MACROD2: variants seen among roughly 807,000 people sequenced by gnomAD.
MACROD2 encodes the protein ADP-ribose glycohydrolase MACROD2.
Under a neutral mutation model 70.4 loss-of-function variants are expected in MACROD2, and 36 were observed. That is an observed-to-expected ratio of 0.51 (90% confidence interval 0.39 to 0.68). The LOEUF is 0.68. Among genes scored for constraint, MACROD2 ranks in the 30% least tolerant of loss-of-function variants. The pLI, the probability that MACROD2 is intolerant of heterozygous loss-of-function variation, is 0.00. For missense variants in MACROD2, 496 were observed against 538.4 expected (o/e 0.92, Z 0.78); for synonymous variants, 172 against 178.8 (o/e 0.96, Z 0.30).
Position 15,986,800 on chromosome 20 carries a change from A to T in MACROD2, c.1059A>T (p.Glu353Asp). The change falls in exon 14 of 18, where the codon GAA (glutamate) becomes GAT (aspartate). Residue 353 changes from glutamate (E) to aspartate (D), a missense_variant and splice_region_variant. Glu to Asp is a conservative substitution (Grantham distance 45). Transcript: ENST00000684519. ...TESQSSYMETEELSSNQEDAV... is the reference protein window; with the variant it reads ...TESQSSYMETDELSSNQEDAV... ...CGCAGAGCTCATATATGGAAACAGA[A>T]GGTACTGAAACCAAAATATATTGTT... The T allele has an allele frequency of 6.2e-7, 1 of 1,610,768 alleles. No homozygotes were observed. Among genetic ancestry groups the T allele is most frequent in the Middle Eastern group, 1.7e-4 (1 of 5,814 alleles).
At chr20:15,336,026 C>G (rs779782858) in intron 6 of MACROD2, among the ~76,000 whole-genome samples, 8 of 151,642 alleles carry the variant, frequency 5.3e-5, no homozygotes, top group Non-Finnish European at 8.8e-5. Context: ...AAATGAACCC[C>G]ACCCTTTCAC....
At chr20:15,981,959 T>C (rs2147454868) in intron 13 of MACROD2, among the ~76,000 whole-genome samples, 1 of 152,266 alleles carries the variant, frequency 6.6e-6, no homozygotes. Flanking sequence ...ATAAATATGA[T>C]TCTTGACAGA....
At chr20:15,752,298 T>TATC (rs2051284950) in intron 8 of MACROD2, among the ~76,000 whole-genome samples, 1 of 151,932 alleles carries the variant, frequency 6.6e-6, no homozygotes, top group African/African-American at 2.4e-5. Flanking sequence ...CAACCTTTAT[T>TATC]ATTATTATTA....
At chr20:15,833,681 TA>T (rs2147120362) in intron 8 of MACROD2, among the ~76,000 whole-genome samples, 1 of 152,134 alleles carries the variant, frequency 6.6e-6, no homozygotes, top group African/African-American at 2.4e-5. Flanking sequence ...TTATAGAAAA[TA>T]AAGGTTTAAA....
intron 5 of MACROD2, among the ~76,000 whole-genome samples, chr20:15,026,651 T>C (rs1038656800): frequency 2.6e-5 from 4 of 152,174 alleles, no homozygotes; most frequent in Admixed American, 2.0e-4. Flanking sequence ...TTTACTTATT[T>C]ATGTATGTAT....
chr20:14,706,373 T>C (rs989525653), intron 5 of MACROD2, among the ~76,000 whole-genome samples: 5 of 152,062 alleles, frequency 3.3e-5, no homozygotes, highest in African/African-American at 1.2e-4. Context: ...TTTATGGTTT[T>C]CTCCAGCAAA....
Position 15,499,769 on chromosome 20 carries a change from T to C in MACROD2, c.572-5T>C. 1 of 1,613,708 alleles carries C rather than the reference T, an allele frequency of 6.2e-7. No homozygotes were observed. Among genetic ancestry groups the C allele is most frequent in the Non-Finnish European group, 8.5e-7 (1 of 1,179,670 alleles). On this transcript the variant is annotated splice_region_variant and splice_polypyrimidine_tract_variant and intron_variant, in intron 7 of 17. Transcript: ENST00000684519. ...TTCATTTGTTTTTTCCTGCTCTTCA[T>C]CTAGGCTTTCCCAACGAGCCTGCTG... is the stretch of plus-strand genomic sequence containing the variant.
chr20:15,226,281 T>C (rs142716513), intron 5 of MACROD2, among the ~76,000 whole-genome samples: 109 of 152,298 alleles, frequency 7.2e-4, no homozygotes, highest in Non-Finnish European at 1.0e-3. Flanking sequence ...TCCACATGAG[T>C]AAAGAGATGG....
intron 8 of MACROD2, among the ~76,000 whole-genome samples, chr20:15,733,791 A>G (rs568968552): frequency 6.6e-6 from 1 of 152,150 alleles, no homozygotes; most frequent in Non-Finnish European, 1.5e-5. Context: ...TGTGTATTTT[A>G]TTTTTATTAT....
intron 6 of MACROD2, among the ~76,000 whole-genome samples, chr20:15,378,515 ATATGT>A (rs1368027448): frequency 6.6e-6 from 1 of 152,156 alleles, no homozygotes; most frequent in African/African-American, 2.4e-5. Context: ...TCTTGCATTT[ATATGT>A]TATGTTATGC....
chr20:14,820,269 C>T lies in MACROD2; in HGVS notation c.418+135310C>T, dbSNP rs2039484205. Among the ~76,000 whole-genome samples, 5 of 151,870 alleles carry T rather than the reference C, an allele frequency of 3.3e-5. No individual in the cohort carries two copies. The South Asian group carries it at 1.0e-3, about 31-fold the overall frequency. On this transcript the variant is annotated intron_variant, in intron 5 of 17. Coordinates refer to ENST00000684519, the MANE Select transcript of MACROD2 (RefSeq NM_001351661.2). ...CTGCCGGCCAAAGATCTGGAGGAAC[C>T]TCATCCTTTCATTCTAAAAGGAGTC...
intron 8 of MACROD2, among the ~76,000 whole-genome samples, chr20:15,643,806 T>C (rs117612251): frequency 2.0e-5 from 3 of 152,326 alleles, no homozygotes; most frequent in Non-Finnish European, 4.4e-5. Flanking sequence ...AATCTCAAAG[T>C]AGAGGCTTAA....
intron 4 of MACROD2, among the ~76,000 whole-genome samples, chr20:14,542,355 T>A (rs1454375885): frequency 6.6e-6 from 1 of 152,232 alleles, no homozygotes; most frequent in Non-Finnish European, 1.5e-5. Context: ...AAGGAAAAAC[T>A]ATGTTCTTTG....
At chr20:14,637,608 G>T (rs1372527350) in intron 4 of MACROD2, among the ~76,000 whole-genome samples, 2 of 151,866 alleles carry the variant, frequency 1.3e-5, no homozygotes, top group Non-Finnish European at 2.9e-5. Flanking sequence ...TCTTCGTTAC[G>T]ATTTGCCAAT....
chr20:14,173,001 T>G (rs1373512605), intron 3 of MACROD2, among the ~76,000 whole-genome samples: 2 of 152,208 alleles, frequency 1.3e-5, no homozygotes, highest in African/African-American at 4.8e-5. Context: ...GGGTTTCTGG[T>G]GGGAAATCTG....
intron 5 of MACROD2, among the ~76,000 whole-genome samples, chr20:14,979,102 C>T (rs2074773490): frequency 8.0e-6 from 1 of 125,484 alleles, no homozygotes; most frequent in Non-Finnish European, 1.6e-5. Context: ...CATGTACACA[C>T]CACCATACCC....
intron 7 of MACROD2, among the ~76,000 whole-genome samples, chr20:15,474,541 A>G (rs6043305): frequency 0.098 from 14,927 of 152,192 alleles, 834 homozygotes; most frequent in Non-Finnish European, 0.13. Flanking sequence ...ATGTACTCCC[A>G]TCAATATCAG....
chr20:16,020,253 A>G (rs1401039287), intron 15 of MACROD2, among the ~76,000 whole-genome samples: 3 of 151,956 alleles, frequency 2.0e-5, no homozygotes, highest in Non-Finnish European at 4.4e-5. Context: ...CACCTGGCTG[A>G]TCTTTACCCA....
At chr20:14,060,776 G>C (rs2053682860) in intron 2 of MACROD2, among the ~76,000 whole-genome samples, 1 of 152,142 alleles carries the variant, frequency 6.6e-6, no homozygotes. Flanking sequence ...ATGTGCATAG[G>C]ACTGGTAAAA....
Sources: allele counts gnomAD v4.1 joint callset (sites outside exome capture counted in the v4.1 genomes callset), GRCh38; gene constraint gnomAD v4.1.1; transcripts MANE v1.5; gene names NCBI Gene and HGNC (gene_info 2026-07-23, HGNC 2026-07-21).